Variants in INTS7 observed in about 807,000 individuals in gnomAD.
INTS7 encodes integrator complex subunit 7.
A neutral mutation model predicts 109.2 loss-of-function variants in INTS7; 46 were observed. That is an observed-to-expected ratio of 0.42 (90% confidence interval 0.33 to 0.54). The LOEUF (loss-of-function observed/expected upper bound fraction) is 0.54, where lower values mean the gene tolerates loss of function less well. Ranked by LOEUF, INTS7 falls within the 20% of genes least tolerant of loss-of-function variation. The probability of loss-of-function intolerance (pLI) is 0.07; values close to 1 mark genes in which losing one functional copy is unlikely to be tolerated. For missense variants in INTS7, 929 were observed against 1,132.4 expected, an observed-to-expected ratio of 0.82 and a Z score of 2.58; for synonymous variants, 412 against 402.9, an observed-to-expected ratio of 1.02 and a Z score of -0.27.
intron 7 of INTS7, among the ~76,000 whole-genome samples, chr1:211,997,180 C>CA (rs1048004893): frequency 6.6e-6 from 1 of 151,826 alleles, no homozygotes; most frequent in Admixed American, 6.6e-5. Flanking sequence ...ACCTGCTCCC[C>CA]AAAAACCTAT....
At chr1:211,988,292 C>T (rs376948663) in intron 7 of INTS7, among the ~76,000 whole-genome samples, 3 of 151,462 alleles carry the variant, frequency 2.0e-5, no homozygotes, top group African/African-American at 4.9e-5. Flanking sequence ...TATGGTGGTA[C>T]GTGCCTGTGG....
At chr1:211,977,387 C>T (rs114816567) in intron 11 of INTS7, among the ~76,000 whole-genome samples, 1,691 of 152,168 alleles carry the variant, frequency 0.011, 29 homozygotes, top group African/African-American at 0.038. Context: ...ATATCAGGAC[C>T]GTTAGTTCAA....
chr1:211,968,111 T>G (rs1037073556), intron 14 of INTS7, 130 bp from the exon 15 acceptor site: 2 of 537,822 alleles, frequency 3.7e-6, no homozygotes, highest in African/African-American at 3.9e-5. Context: ...CTTTTCACTG[T>G]CATTCCATTC....
At chr1:211,990,813 T>C (rs766349695) in intron 7 of INTS7, among the ~76,000 whole-genome samples, 8 of 152,034 alleles carry the variant, frequency 5.3e-5, no homozygotes, top group Non-Finnish European at 1.0e-4. Flanking sequence ...CCAGATGATA[T>C]AGGGCCTTAA....
chr1:212,012,884 CAAATTTAGAAACT>C (rs146006273), intron 4 of INTS7, among the ~76,000 whole-genome samples: 1,686 of 152,152 alleles, frequency 0.011, 30 homozygotes, highest in African/African-American at 0.038. Flanking sequence ...ATTTATCATC[CAAATTTAGAAACT>C]AAATTTAGAA....
intron 19 of INTS7, 41 bp downstream of exon 19, chr1:211,944,743 T>C (rs1426203664): frequency 4.6e-6 from 7 of 1,525,478 alleles, no homozygotes; most frequent in Non-Finnish European, 6.4e-6. Flanking sequence ...AATGAGCTCA[T>C]ATAAAACCTG....
chr1:211,956,934 T>C (rs772970893), intron 16 of INTS7, among the ~76,000 whole-genome samples: 1 of 152,212 alleles, frequency 6.6e-6, no homozygotes, highest in Non-Finnish European at 1.5e-5. Flanking sequence ...TTCTCTTCGG[T>C]AGAACAGTAG....
intron 1 of INTS7, among the ~76,000 whole-genome samples, chr1:212,029,643 A>G (rs1667067511): frequency 6.6e-6 from 1 of 152,252 alleles, no homozygotes; most frequent in Non-Finnish European, 1.5e-5. Flanking sequence ...TTAAGCAACC[A>G]TCAACATAAC....
At chr1:211,943,863 A>C (rs12022699) in intron 19 of INTS7, among the ~76,000 whole-genome samples, 13,114 of 152,292 alleles carry the variant, frequency 0.086, 639 homozygotes, top group South Asian at 0.16. Context: ...CTTCGCTGCT[A>C]CAACTGTGGA....
intron 13 of INTS7, among the ~76,000 whole-genome samples, chr1:211,969,811 C>T (rs887595046): frequency 3.2e-4 from 48 of 151,664 alleles, no homozygotes; most frequent in Admixed American, 2.8e-3. Context: ...CTCCGTCTTC[C>T]GGGTTCAAGC....
chr1:211,975,417 G>C lies in INTS7; in HGVS notation c.1609-45C>G, dbSNP rs186944060. 19 of 1,437,170 alleles carry C rather than the reference G, an allele frequency of 1.3e-5. No homozygotes were observed. In the East Asian group the frequency reaches 2.7e-4, roughly 21 times the overall value. The allele number at this position is 1,437,170 out of a possible 1,614,324, so 89.0% of individuals were successfully genotyped here. On this transcript the variant is annotated intron_variant, in intron 12 of 19. Coordinates refer to ENST00000366994, the MANE Select transcript of INTS7 (RefSeq NM_015434.4). ...AGAAAAAAGAATAGAAGGAGCACAC[G>C]GTGAGGTTCTTACATTTGAAAGAGT...
intron 8 of INTS7, 23 bp downstream of exon 8, chr1:211,987,863 G>T: frequency 7.9e-7 from 1 of 1,265,382 alleles, no homozygotes; most frequent in South Asian, 1.2e-5. Context: ...TTATTTATAT[G>T]GTATCTCCTG....
At chr1:211,954,119 G>A (rs1365024308) in intron 16 of INTS7, among the ~76,000 whole-genome samples, 1 of 152,190 alleles carries the variant, frequency 6.6e-6, no homozygotes, top group Non-Finnish European at 1.5e-5. Flanking sequence ...GTATCTCATT[G>A]TGGTTTTGAC....
At chr1:211,993,062 C>T (rs1215178197) in intron 7 of INTS7, among the ~76,000 whole-genome samples, 1 of 152,110 alleles carries the variant, frequency 6.6e-6, no homozygotes, top group Non-Finnish European at 1.5e-5. Flanking sequence ...GGACTGGTCA[C>T]CAGGGATATG....
intron 9 of INTS7, 41 bp downstream of exon 9, chr1:211,982,635 A>C: frequency 6.7e-7 from 1 of 1,503,140 alleles, no homozygotes; most frequent in Non-Finnish European, 8.9e-7. Context: ...CCAAGGTCTA[A>C]ACCAAAGTTT....
intron 16 of INTS7, among the ~76,000 whole-genome samples, chr1:211,960,474 A>C (rs1194352894): frequency 6.6e-6 from 1 of 152,200 alleles, no homozygotes; most frequent in Admixed American, 6.5e-5. Context: ...GGAATTACAG[A>C]AACAGAAATC....
intron 16 of INTS7, among the ~76,000 whole-genome samples, chr1:211,955,187 C>G (rs997132592): frequency 5.9e-5 from 9 of 152,056 alleles, no homozygotes; most frequent in Admixed American, 5.9e-4. Flanking sequence ...TGATTTGGCT[C>G]TCTGTTTGTC....
intron 5 of INTS7, among the ~76,000 whole-genome samples, chr1:212,008,142 T>C (rs910926954): frequency 6.6e-6 from 1 of 152,174 alleles, no homozygotes; most frequent in African/African-American, 2.4e-5. Context: ...TAATTGTGGG[T>C]ATGAACGTAA....
At chr1:211,978,194 T>C (rs535033919) in intron 11 of INTS7, 78 bp downstream of exon 11, 1 of 1,494,606 alleles carries the variant, frequency 6.7e-7, no homozygotes, top group Non-Finnish European at 9.2e-7. Flanking sequence ...TAAAGTCAAA[T>C]AGTAATGTTG....
Sources: allele counts gnomAD v4.1 joint callset (sites outside exome capture counted in the v4.1 genomes callset), GRCh38; gene constraint gnomAD v4.1.1; transcripts MANE v1.5; gene names NCBI Gene and HGNC (gene_info 2026-07-23, HGNC 2026-07-21).